TNNT3: variants seen among roughly 807,000 people sequenced by gnomAD.
TNNT3 encodes troponin T3, fast skeletal type.
Under a neutral mutation model 54.2 loss-of-function variants are expected in TNNT3, and 36 were observed. The observed-to-expected ratio is 0.66, with a 90% CI of 0.51 to 0.88. The LOEUF (loss-of-function observed/expected upper bound fraction) is 0.88, where lower values mean the gene tolerates loss of function less well. TNNT3 is among the 40% of genes least tolerant of loss of function. The pLI is 0.00. For synonymous variants in TNNT3, 120 were observed against 109.7 expected, an observed-to-expected ratio of 1.09 and a Z score of -0.59; for missense variants, 291 against 331.6, an observed-to-expected ratio of 0.88 and a Z score of 0.95.
At chr11:1,923,607 C>A (rs1265794647) in intron 4 of TNNT3, 35 bp downstream of exon 4, 1 of 1,460,290 alleles carries the variant, frequency 6.8e-7, no homozygotes, top group Admixed American at 1.8e-5. Context: ...CCCCCCAGCC[C>A]CTCCTTGGAA....
chr11:1,929,826 CAAGTG>C lies in TNNT3; in HGVS notation c.125_125+4del, dbSNP rs1185277281. The C allele has an allele frequency of 1.3e-6, 2 of 1,511,536 alleles. No homozygotes were observed. The highest frequency in any genetic ancestry group is 1.8e-6 in the Non-Finnish European group (2 of 1,125,220). The allele number at this position is 1,511,536 out of a possible 1,614,324, so 93.6% of individuals were successfully genotyped here. On this transcript the variant is annotated splice_donor_variant and splice_donor_region_variant and coding_sequence_variant and intron_variant, in exon 8 of 16. Coordinates refer to ENST00000278317, the MANE Select transcript of TNNT3 (RefSeq NM_006757.4). LOFTEE classifies it high-confidence loss of function. ...GTGGACCAGAGGAGAAACCGAGACC[CAAGTG>C]AGTGTGGGGTCCTGGCAGGCCCGCT...
At chr11:1,928,871 A>G (rs1262402561) in intron 6 of TNNT3, 5 of 575,718 alleles carry the variant, frequency 8.7e-6, no homozygotes, top group Admixed American at 2.6e-5. Flanking sequence ...TGTCCCTCCT[A>G]TTCTCCACTA....
Position 1,934,636 on chromosome 11 carries a change from C to T in TNNT3, c.571C>T (p.Leu191Phe), listed in dbSNP as rs757734441. ...ACGCAAGCCGCTCAACATCGATCACCTTGGTGAAGACAAACTGAGGTGAGG... is the reference window on the plus strand; with the variant it reads ...ACGCAAGCCGCTCAACATCGATCACTTTGGTGAAGACAAACTGAGGTGAGG... ...ERRKPLNIDH[L>F]GEDKLRDKAK... Residue 191 changes from leucine (L) to phenylalanine (F), a missense_variant, in exon 13 of 16, where the codon CTT (leucine) becomes TTT (phenylalanine). Leu to Phe is a conservative substitution (Grantham distance 22). Transcript: ENST00000278317. The T allele has an allele frequency of 2.5e-6, 4 of 1,609,404 alleles. No homozygotes were observed. The African/African-American group carries it at 4.0e-5, about 16-fold the overall frequency.
intron 9 of TNNT3, 102 bp downstream of exon 9, chr11:1,932,616 C>T (rs1409140102): frequency 2.6e-5 from 32 of 1,208,120 alleles, no homozygotes; most frequent in East Asian, 4.7e-5. Context: ...TAGCCAGAGC[C>T]GGGGCCTCCT....
chr11:1,938,321 G>A (rs866796349), intron 15 of TNNT3, 117 bp from the exon 16 acceptor site: 23 of 1,136,580 alleles, frequency 2.0e-5, no homozygotes, highest in Admixed American at 6.8e-5. Context: ...AGCTTGGGCC[G>A]GGCCTGTGCC....
At chr11:1,925,608 C>A (rs1185220547) in intron 5 of TNNT3, among the ~76,000 whole-genome samples, 1 of 152,140 alleles carries the variant, frequency 6.6e-6, no homozygotes, top group East Asian at 1.9e-4. Context: ...GTCCTCCACC[C>A]CAGGGTAGGC....
intron 14 of TNNT3, chr11:1,935,319 G>A (rs774900415): frequency 1.8e-5 from 6 of 334,600 alleles, no homozygotes; most frequent in Admixed American, 7.9e-5. Flanking sequence ...GGTGTGGGGC[G>A]TCCTTTCGAC....
At chr11:1,931,501 T>C (rs1199451850) in intron 8 of TNNT3, among the ~76,000 whole-genome samples, 2 of 152,022 alleles carry the variant, frequency 1.3e-5, no homozygotes, top group Non-Finnish European at 2.9e-5. Flanking sequence ...TCATGATTCT[T>C]TGGCTTTGCG....
At chr11:1,932,435 T>G in intron 8 of TNNT3, 34 bp from the exon 9 acceptor site, 2 of 1,611,330 alleles carry the variant, frequency 1.2e-6, no homozygotes, top group Non-Finnish European at 1.7e-6. Flanking sequence ...GGTCTCCGGG[T>G]CTCTGCTCAC....
At chr11:1,932,130 C>T (rs781277432) in intron 8 of TNNT3, among the ~76,000 whole-genome samples, 2 of 152,206 alleles carry the variant, frequency 1.3e-5, no homozygotes, top group African/African-American at 4.8e-5. Context: ...GCTTCTCACC[C>T]GACATGGCTG....
In TNNT3 at chr11:1,926,709, G is replaced by C; in HGVS notation, c.82G>C (p.Asp28His). ...EAQEEEEVQEDTAEEDAEEEK... is the reference protein window; with the variant it reads ...EAQEEEEVQEHTAEEDAEEEK... ...TGCTTCTGCAGAGGAAGTTCAAGAA[G>C]GTACGCCGGCGCTCCCCCGCCTCCA... is the stretch of plus-strand genomic sequence containing the variant. Residue 28 changes from aspartate (D) to histidine (H), a missense_variant and splice_region_variant, in exon 6 of 16, where the codon GAC becomes CAC. By Grantham distance (81) the Asp-to-His change is moderately conservative. Transcript: ENST00000278317. 1.2e-6 allele frequency: 2 copies of C among 1,613,268 alleles called. No individual in the cohort carries two copies. The highest frequency in any genetic ancestry group is 1.7e-6 in the Non-Finnish European group (2 of 1,180,012).
At chr11:1,937,127 C>A in intron 15 of TNNT3, 124 bp downstream of exon 15, 1 of 1,062,612 alleles carries the variant, frequency 9.4e-7, no homozygotes, top group Non-Finnish European at 1.4e-6. Context: ...GAGACTAACC[C>A]GGCCAGGCCA....
Position 1,937,071 on chromosome 11 carries a change from G to C in TNNT3, c.722+68G>C, listed in dbSNP as rs1855329352. On this transcript the variant is annotated intron_variant, in intron 15 of 15. Transcript: ENST00000278317. Reference sequence around the variant, plus strand: ...CCCTTGGGGCCAGCCGCTGTAGCCAGTCCCTAACAAGGGCCGGTGGTGGCT... The same window carrying C: ...CCCTTGGGGCCAGCCGCTGTAGCCACTCCCTAACAAGGGCCGGTGGTGGCT... 3 of 1,513,430 alleles carry C rather than the reference G, an allele frequency of 2.0e-6. No individual in the cohort carries two copies. In the African/African-American group the frequency reaches 4.1e-5, roughly 21 times the overall value. The allele number at this position is 1,513,430 out of a possible 1,614,324, so 93.8% of individuals were successfully genotyped here.
intron 14 of TNNT3, chr11:1,935,240 G>A (rs888832865): frequency 6.4e-5 from 29 of 451,588 alleles, no homozygotes; most frequent in Non-Finnish European, 9.4e-5. Context: ...GTTCATTTTC[G>A]GAACCCCTTT....
intron 6 of TNNT3, 27 bp downstream of exon 6, chr11:1,926,736 G>T: frequency 6.2e-7 from 1 of 1,613,082 alleles, no homozygotes; most frequent in Non-Finnish European, 8.5e-7. Flanking sequence ...CCGCCTCCAG[G>T]CCAGAGTCTC....
chr11:1,930,877 G>A (rs1853168996), intron 8 of TNNT3, among the ~76,000 whole-genome samples: 4 of 152,024 alleles, frequency 2.6e-5, no homozygotes, highest in Non-Finnish European at 4.4e-5. Flanking sequence ...AGAAAATTTG[G>A]AAAATATATA....
Position 1,938,462 on chromosome 11 carries a change from C to G in TNNT3, c.747C>G (p.Ala249=), listed in dbSNP as rs551410081. The G allele has an allele frequency of 1.2e-6, 2 of 1,613,342 alleles. No homozygotes were observed. The highest frequency in any genetic ancestry group is 1.7e-5 in the Admixed American group (1 of 60,022). The change falls in exon 16 of 16, where the codon GCC becomes GCG. Residue 249 remains alanine (A), a synonymous_variant. Transcript: ENST00000278317. ...QKHSKKAGTP[A]KGKVGGRWK ...GCAGCAAGAAGGCTGGGACCCCAGC[C>G]AAGGGCAAAGTCGGCGGGCGCTGGA...
In TNNT3 at chr11:1,936,166, G is replaced by A. The variant is rs754406763; in HGVS notation, c.682-797G>A. 7.4e-6 allele frequency: 12 copies of A among 1,611,656 alleles called. No homozygotes were observed. The South Asian group carries it at 7.7e-5, about 10-fold the overall frequency. Reference sequence around the variant, plus strand: ...CCAAGCTAGCCCACAGCCGGGCCTCGATGCCCCAGCCGCCCATCCAGCCTT... The same window carrying A: ...CCAAGCTAGCCCACAGCCGGGCCTCAATGCCCCAGCCGCCCATCCAGCCTT... On this transcript the variant is annotated intron_variant, in intron 14 of 15. Coordinates refer to ENST00000278317, the MANE Select transcript of TNNT3 (RefSeq NM_006757.4).
chr11:1,927,706 T>TCCCCGAAA (rs1203544966), intron 6 of TNNT3: 1 of 152,488 alleles, frequency 6.6e-6, no homozygotes, highest in African/African-American at 2.4e-5. Context: ...CTTTTGCCGC[T>TCCCCGAAA]TGGCTGTGTG....
Sources: gnomAD v4.1 joint callset for allele counts (sites outside exome capture counted in the v4.1 genomes callset) on GRCh38, gnomAD v4.1.1 for gene constraint, MANE v1.5 for transcripts, NCBI Gene and HGNC (gene_info 2026-07-23, HGNC 2026-07-21) for gene names.